Variants in GPR137C observed in about 807,000 individuals in gnomAD.
The protein encoded by GPR137C is integral membrane protein GPR137C.
GPR137C carries 27 observed loss-of-function variants against 43.4 expected under a neutral mutation model. The ratio of observed to expected loss-of-function variants is 0.62; its 90% confidence interval spans 0.46 to 0.86. The LOEUF is 0.86. GPR137C is among the 40% of genes least tolerant of loss of function. The pLI, the probability that GPR137C is intolerant of heterozygous loss-of-function variation, is 0.00. For missense variants in GPR137C, 522 were observed against 534.6 expected, an observed-to-expected ratio of 0.98 and a Z score of 0.23; for synonymous variants, 285 against 226.9, an observed-to-expected ratio of 1.26 and a Z score of -2.30.
intron 1 of GPR137C, among the ~76,000 whole-genome samples, chr14:52,575,801 T>G (rs959229700): frequency 1.3e-5 from 2 of 152,180 alleles, no homozygotes; most frequent in Non-Finnish European, 2.9e-5. Context: ...ACAGTCTACT[T>G]TAATCTCTAA....
At position 52,637,261 on chromosome 14, in the gene GPR137C, A is replaced by G. The variant is rs531979754; in HGVS notation, c.*2146A>G. The G allele has an allele frequency of 7.9e-5, 12 of 152,244 alleles. No individual in the cohort carries two copies. Among genetic ancestry groups the G allele is most frequent in the African/African-American group, 2.9e-4 (12 of 41,574 alleles). The allele number at this position is 152,244 out of a possible 1,614,324, so 9.4% of individuals were successfully genotyped here. On this transcript the variant is annotated 3_prime_UTR_variant, in exon 7 of 7. Transcript: ENST00000321662. ...GGCCCAATCTTTGCTTAAAAATTCC[A>G]AAGCACTAGGAGCACTTTAAGTTTG...
At chr14:52,588,689 G>A (rs993141183) in intron 1 of GPR137C, among the ~76,000 whole-genome samples, 1 of 152,040 alleles carries the variant, frequency 6.6e-6, no homozygotes, top group Admixed American at 6.6e-5. Flanking sequence ...CATGAAATAT[G>A]TACCTAATGC....
At chr14:52,598,368 C>A in intron 2 of GPR137C, 53 bp downstream of exon 2, 2 of 753,264 alleles carry the variant, frequency 2.7e-6, no homozygotes, top group South Asian at 4.0e-5. Flanking sequence ...AGCATTAATT[C>A]ATTAATATTA....
At chr14:52,600,428 CTATTTTATTT>C (rs72343825) in intron 3 of GPR137C, 87 bp downstream of exon 3, 75 of 675,036 alleles carry the variant, frequency 1.1e-4, no homozygotes, top group African/African-American at 5.7e-4. Context: ...GTTTATATTG[CTATTTTATTT>C]TATTTTATTT....
chr14:52,553,982 C>CT (rs2038147813), intron 1 of GPR137C, among the ~76,000 whole-genome samples: 1 of 152,186 alleles, frequency 6.6e-6, no homozygotes, highest in African/African-American at 2.4e-5. Flanking sequence ...AGGTTGGATG[C>CT]TGAGGTAGCA....
At chr14:52,564,240 A>G (rs915224206) in intron 1 of GPR137C, among the ~76,000 whole-genome samples, 8 of 135,188 alleles carry the variant, frequency 5.9e-5, no homozygotes, top group African/African-American at 2.0e-4. Context: ...GCATCACTGC[A>G]CTCCACCCTG....
intron 1 of GPR137C, among the ~76,000 whole-genome samples, chr14:52,572,160 C>A (rs1446919162): frequency 6.6e-6 from 1 of 152,182 alleles, no homozygotes. Flanking sequence ...CCAAACTTTA[C>A]CAGAGGTACA....
At chr14:52,621,575 T>C (rs1439987966) in intron 3 of GPR137C, among the ~76,000 whole-genome samples, 1 of 151,898 alleles carries the variant, frequency 6.6e-6, no homozygotes, top group Admixed American at 6.6e-5. Flanking sequence ...TTGTGAGGTT[T>C]ACATATGTAT....
chr14:52,601,259 T>C (rs2038920606), intron 3 of GPR137C, among the ~76,000 whole-genome samples: 1 of 152,164 alleles, frequency 6.6e-6, no homozygotes, highest in East Asian at 1.9e-4. Context: ...TAATTTGACA[T>C]CATTGCCTAT....
chr14:52,604,753 G>A (rs957376063), intron 3 of GPR137C, among the ~76,000 whole-genome samples: 1 of 152,054 alleles, frequency 6.6e-6, no homozygotes, highest in Non-Finnish European at 1.5e-5. Flanking sequence ...CAGCCAAAAT[G>A]GGGCTGTTTA....
Position 52,635,360 on chromosome 14 carries a change from A to G in GPR137C, c.*245A>G, listed in dbSNP as rs761695525. 88 of 336,054 alleles carry G rather than the reference A, an allele frequency of 2.6e-4. No homozygotes were observed. The highest frequency in any genetic ancestry group is 1.5e-3 in the Admixed American group (29 of 19,896). 20.8% of individuals were successfully genotyped at this position (336,054 alleles called of 1,614,324 possible). ...ATCTTAAGGCACTTGATGGCCTCCA[A>G]AAATCCTGACTTTGGAACATCAAAT... On this transcript the variant is annotated 3_prime_UTR_variant, in exon 7 of 7. Coordinates refer to ENST00000321662, the MANE Select transcript of GPR137C (RefSeq NM_001099652.2).
chr14:52,577,503 C>CAT, intron 1 of GPR137C, among the ~76,000 whole-genome samples: 1 of 137,996 alleles, frequency 7.2e-6, no homozygotes, highest in East Asian at 2.3e-4. Context: ...AACATGCACG[C>CAT]GTGCGCGCGC....
intron 3 of GPR137C, among the ~76,000 whole-genome samples, chr14:52,623,935 A>G (rs1452014833): frequency 6.6e-6 from 1 of 152,110 alleles, no homozygotes; most frequent in African/African-American, 2.4e-5. Context: ...TGCAGCTGTG[A>G]CTACTGTTCA....
chr14:52,603,039 ACTTACT>A (rs2038944747), intron 3 of GPR137C, among the ~76,000 whole-genome samples: 1 of 152,180 alleles, frequency 6.6e-6, no homozygotes, highest in African/African-American at 2.4e-5. Context: ...ACTATCAAAT[ACTTACT>A]CTTATCTAAC....
intron 3 of GPR137C, among the ~76,000 whole-genome samples, chr14:52,624,000 A>G (rs937734484): frequency 3.9e-5 from 6 of 151,990 alleles, no homozygotes; most frequent in African/African-American, 1.4e-4. Context: ...CTAAGCAACA[A>G]TTCCCCCATT....
At chr14:52,578,932 G>A (rs1209402723) in intron 1 of GPR137C, among the ~76,000 whole-genome samples, 5 of 150,646 alleles carry the variant, frequency 3.3e-5, no homozygotes, top group Non-Finnish European at 7.4e-5. Flanking sequence ...CAACAAGAGC[G>A]AGACTCCGTC....
At chr14:52,604,512 CCTGG>C in intron 3 of GPR137C, among the ~76,000 whole-genome samples, 1 of 151,336 alleles carries the variant, frequency 6.6e-6, no homozygotes, top group Admixed American at 6.6e-5. Context: ...GTGTTGTGAT[CCTGG>C]CTCACTACAA....
chr14:52,598,955 TG>T (rs1169150118), intron 2 of GPR137C, among the ~76,000 whole-genome samples: 2 of 152,254 alleles, frequency 1.3e-5, no homozygotes, highest in African/African-American at 4.8e-5. Context: ...TAAGCAGTTT[TG>T]TTTGCTTGTT....
chr14:52,578,917 C>G (rs1195843541), intron 1 of GPR137C, among the ~76,000 whole-genome samples: 1 of 151,284 alleles, frequency 6.6e-6, no homozygotes, highest in African/African-American at 2.4e-5. Context: ...GCACTCCTGC[C>G]TGGTCAACAA....
Sources: gnomAD v4.1 joint callset for allele counts (sites outside exome capture counted in the v4.1 genomes callset) on GRCh38, gnomAD v4.1.1 for gene constraint, MANE v1.5 for transcripts, NCBI Gene and HGNC (gene_info 2026-07-23, HGNC 2026-07-21) for gene names.